Variants in CTIF observed in about 807,000 individuals in gnomAD.
The protein encoded by CTIF is cap binding complex dependent translation initiation factor.
In CTIF, 21 loss-of-function variants were observed where a neutral mutation model predicts 66.0. The ratio of observed to expected loss-of-function variants is 0.32; its 90% CI spans 0.23 to 0.46. The LOEUF (loss-of-function observed/expected upper bound fraction) is 0.46, where lower values mean the gene tolerates loss of function less well. Ranked by LOEUF, CTIF falls within the 20% of genes least tolerant of loss-of-function variation. CTIF has a pLI of 1.00. For missense variants in CTIF, 739 were observed against 812.7 expected, an observed-to-expected ratio of 0.91 and a Z score of 1.10; for synonymous variants, 345 against 326.4, an observed-to-expected ratio of 1.06 and a Z score of -0.62.
Position 48,859,382 on chromosome 18 carries a change from T to C in CTIF, c.1620T>C (p.Pro540=). ...GCCGGCTGCTGGAGGAACAGCTGCCTGAGATGATGACAGAGCTCCTGGCCA... is the reference window on the plus strand; with the variant it reads ...GCCGGCTGCTGGAGGAACAGCTGCCCGAGATGATGACAGAGCTCCTGGCCA... The part of the protein sequence containing the change: ...STGRLLEEQL[P]EMMTELLASA... The change falls in exon 12 of 12, where the codon CCT becomes CCC. Residue 540 remains proline, a synonymous_variant. Coordinates refer to ENST00000256413, the MANE Select transcript of CTIF (RefSeq NM_014772.3). The C allele has an allele frequency of 6.2e-7, 1 of 1,614,068 alleles. No individual in the cohort carries two copies. Among genetic ancestry groups the C allele is most frequent in the Non-Finnish European group, 8.5e-7 (1 of 1,180,018 alleles).
At chr18:48,806,316 A>G (rs2146258111) in intron 9 of CTIF, among the ~76,000 whole-genome samples, 1 of 152,262 alleles carries the variant, frequency 6.6e-6, no homozygotes, top group African/African-American at 2.4e-5. Flanking sequence ...CTGGGCTCCC[A>G]CAGCTCCCCA....
chr18:48,699,486 G>A (rs1392063119), intron 6 of CTIF, among the ~76,000 whole-genome samples: 1 of 152,216 alleles, frequency 6.6e-6, no homozygotes, highest in Non-Finnish European at 1.5e-5. Context: ...TGCAGGGACT[G>A]CTTTGGCCCA....
intron 9 of CTIF, among the ~76,000 whole-genome samples, chr18:48,777,275 A>G (rs1189076490): frequency 6.6e-6 from 1 of 152,216 alleles, no homozygotes; most frequent in East Asian, 1.9e-4. Context: ...GTGCAAGGCC[A>G]GCCCTTCCTG....
At chr18:48,815,941 C>T (rs1017315668) in intron 9 of CTIF, among the ~76,000 whole-genome samples, 1 of 152,218 alleles carries the variant, frequency 6.6e-6, no homozygotes, top group African/African-American at 2.4e-5. Context: ...CCCTTACAAC[C>T]CACCACTTAG....
chr18:48,563,247 C>T (rs2089203582), intron 1 of CTIF, among the ~76,000 whole-genome samples: 1 of 152,232 alleles, frequency 6.6e-6, no homozygotes, highest in Non-Finnish European at 1.5e-5. Context: ...GGGATGTAAA[C>T]TGTACTAGGA....
chr18:48,779,700 G>A (rs560349167), intron 9 of CTIF, among the ~76,000 whole-genome samples: 2 of 152,332 alleles, frequency 1.3e-5, no homozygotes, highest in Non-Finnish European at 2.9e-5. Flanking sequence ...TCTTGCCGGG[G>A]GTGGGGGAGA....
At chr18:48,744,616 T>G (rs1334827685) in intron 7 of CTIF, among the ~76,000 whole-genome samples, 2 of 152,226 alleles carry the variant, frequency 1.3e-5, no homozygotes, top group Non-Finnish European at 2.9e-5. Context: ...CTGCTAAATA[T>G]TTCACAGTGT....
At chr18:48,794,734 G>C (rs776759417) in intron 9 of CTIF, among the ~76,000 whole-genome samples, 5 of 152,220 alleles carry the variant, frequency 3.3e-5, no homozygotes, top group Non-Finnish European at 7.3e-5. Context: ...ATGCTTGTCA[G>C]ACTGGAACAT....
intron 7 of CTIF, among the ~76,000 whole-genome samples, chr18:48,741,287 CT>C (rs1449282367): frequency 0.034 from 4,669 of 138,198 alleles, 263 homozygotes; most frequent in South Asian, 0.076. Context: ...CCCGCCCCCC[CT>C]CCTTGGTACA....
Position 48,780,580 on chromosome 18 carries a change from T to G in CTIF, c.1371+18891T>G, listed in dbSNP as rs980996769. 3.3e-5 allele frequency among the ~76,000 whole-genome samples: 5 copies of G among 152,214 alleles called. 1 individual carries two copies. ...GCGTCGGTTCATGCGTGTCCCTCCC[T>G]GCGAGCTTGGCGGGGCACTGTGGAC... On this transcript the variant is annotated intron_variant, in intron 9 of 11. Transcript: ENST00000256413.
Position 48,644,003 on chromosome 18 carries a change from T to C in CTIF, c.252+7318T>C, listed in dbSNP as rs56840690. Among the ~76,000 whole-genome samples, 421 of 152,270 alleles carry C rather than the reference T, an allele frequency of 2.8e-3. 1 individual carries two copies. Among genetic ancestry groups the C allele is most frequent in the African/African-American group, 9.8e-3 (409 of 41,548 alleles). On this transcript the variant is annotated intron_variant, in intron 3 of 11. Coordinates refer to ENST00000256413, the MANE Select transcript of CTIF (RefSeq NM_014772.3). ...TTAGGCAGCTCCATTAATAAAAAAG[T>C]TCTTTCTTTGATTCAGCCGCAAGCC...
intron 9 of CTIF, among the ~76,000 whole-genome samples, chr18:48,816,764 C>A (rs938723978): frequency 1.3e-5 from 2 of 152,258 alleles, no homozygotes; most frequent in African/African-American, 4.8e-5. Flanking sequence ...TCTGTTGCCA[C>A]TGCTGATGAT....
At chr18:48,625,216 A>C in intron 2 of CTIF, 1 of 985,208 alleles carries the variant, frequency 1.0e-6, no homozygotes, top group Middle Eastern at 5.2e-4. Context: ...TGGACCACCC[A>C]TGAAAGGCTT....
intron 1 of CTIF, among the ~76,000 whole-genome samples, chr18:48,541,218 G>T (rs890888325): frequency 6.6e-6 from 1 of 152,092 alleles, no homozygotes; most frequent in African/African-American, 2.4e-5. Context: ...AGCCCAGCGC[G>T]CCCCAGCCCG....
chr18:48,722,634 A>G (rs543093703), intron 7 of CTIF, among the ~76,000 whole-genome samples: 61 of 145,828 alleles, frequency 4.2e-4, no homozygotes, highest in African/African-American at 1.3e-3. Context: ...ACTCATCGGC[A>G]CTCACAGGTG....
At chr18:48,818,863 G>T (rs573542914) in intron 10 of CTIF, among the ~76,000 whole-genome samples, 6 of 152,292 alleles carry the variant, frequency 3.9e-5, no homozygotes, top group Non-Finnish European at 5.9e-5. Context: ...CTGGGTGTCA[G>T]CGGAGGTGAG....
At chr18:48,705,210 G>T (rs550591164) in intron 6 of CTIF, among the ~76,000 whole-genome samples, 65 of 152,298 alleles carry the variant, frequency 4.3e-4, no homozygotes, top group Non-Finnish European at 6.9e-4. Flanking sequence ...GGTGTTGGCC[G>T]GGCTGCGCTC....
chr18:48,582,724 T>C (rs991070594), intron 1 of CTIF, among the ~76,000 whole-genome samples: 1 of 152,130 alleles, frequency 6.6e-6, no homozygotes, highest in African/African-American at 2.4e-5. Context: ...GAGCTGCTGC[T>C]CTGCGCTAAT....
intron 1 of CTIF, among the ~76,000 whole-genome samples, chr18:48,576,601 C>T (rs1308903604): frequency 6.6e-6 from 1 of 152,246 alleles, no homozygotes; most frequent in East Asian, 1.9e-4. Context: ...TCCAGATTCG[C>T]TGTGCCAGCC....
Sources: gnomAD v4.1 joint callset for allele counts (sites outside exome capture counted in the v4.1 genomes callset) on GRCh38, gnomAD v4.1.1 for gene constraint, MANE v1.5 for transcripts, NCBI Gene and HGNC (gene_info 2026-07-23, HGNC 2026-07-21) for gene names.